The following CCDC83 variants were observed in gnomAD, a reference collection of about 807,000 sequenced individuals.
CCDC83 encodes the protein coiled-coil domain containing 83.
A neutral mutation model predicts 50.1 loss-of-function variants in CCDC83; 54 were observed. The ratio of observed to expected loss-of-function variants is 1.08; its 90% CI spans 0.87 to 1.35. The LOEUF is 1.35. Among genes scored for constraint, CCDC83 ranks in the 40% most tolerant of loss-of-function variants. The probability of loss-of-function intolerance (pLI) is 0.00; values close to 1 mark genes in which losing one functional copy is unlikely to be tolerated. For synonymous variants in CCDC83, 161 were observed against 153.3 expected, an observed-to-expected ratio of 1.05 and a Z score of -0.37; for missense variants, 518 against 473.9, an observed-to-expected ratio of 1.09 and a Z score of -0.86.
rs141642840 is a variant in CCDC83 at position 85,857,343 on chromosome 11, G to A, written c.-29+1759G>A. Among the ~76,000 whole-genome samples the A allele has an allele frequency of 7.7e-4, 117 of 152,344 alleles. 1 individual carries two copies. The highest frequency in any genetic ancestry group is 2.6e-3 in the African/African-American group (108 of 41,590). On this transcript the variant is annotated intron_variant, in intron 1 of 10. Transcript: ENST00000342404. ...CAGCTGCAACATCACCCAGGACCAT[G>A]AGGCAGCTGCCATTGCCAAGGCTGG...
intron 6 of CCDC83, among the ~76,000 whole-genome samples, chr11:85,897,731 T>C (rs769240498): frequency 2.0e-5 from 3 of 152,228 alleles, no homozygotes; most frequent in Non-Finnish European, 4.4e-5. Context: ...AAATTCTATG[T>C]TGGAGGAAAC....
At chr11:85,866,306 G>C (rs2093206345) in intron 2 of CCDC83, among the ~76,000 whole-genome samples, 1 of 152,166 alleles carries the variant, frequency 6.6e-6, no homozygotes, top group South Asian at 2.1e-4. Flanking sequence ...CAAGTGCTGG[G>C]TACTGGAATG....
intron 8 of CCDC83, among the ~76,000 whole-genome samples, chr11:85,913,615 T>G (rs1408052880): frequency 1.3e-5 from 2 of 152,244 alleles, no homozygotes; most frequent in Non-Finnish European, 2.9e-5. Context: ...AGAAGTTCTA[T>G]TTCCCTATTT....
chr11:85,871,055 T>A (rs1172465241), intron 2 of CCDC83, among the ~76,000 whole-genome samples: 1 of 152,018 alleles, frequency 6.6e-6, no homozygotes, highest in Non-Finnish European at 1.5e-5. Context: ...TAATCCCAGT[T>A]ACTGGGGAGG....
chr11:85,883,707 C>T (rs1298041176), intron 4 of CCDC83, among the ~76,000 whole-genome samples: 1 of 152,142 alleles, frequency 6.6e-6, no homozygotes, highest in Non-Finnish European at 1.5e-5. Context: ...GAGAAAGAGA[C>T]CTAAGTGCTA....
chr11:85,864,108 G>T (rs575886345), intron 1 of CCDC83, among the ~76,000 whole-genome samples: 2 of 152,130 alleles, frequency 1.3e-5, no homozygotes, highest in Admixed American at 1.3e-4. Context: ...TGCCTGATTC[G>T]TTCATGCATC....
chr11:85,908,905 C>T (rs1029897863), intron 7 of CCDC83, among the ~76,000 whole-genome samples: 2 of 151,994 alleles, frequency 1.3e-5, no homozygotes, highest in Non-Finnish European at 2.9e-5. Context: ...ACAGAGCAAG[C>T]CCTGTCTCAT....
chr11:85,912,530 A>G, intron 8 of CCDC83: 1 of 699,676 alleles, frequency 1.4e-6, no homozygotes, highest in Non-Finnish European at 2.6e-6. Flanking sequence ...AGGATTGATT[A>G]CTGAACTCCT....
At chr11:85,881,191 A>G (rs1425609627) in intron 3 of CCDC83, among the ~76,000 whole-genome samples, 4 of 152,072 alleles carry the variant, frequency 2.6e-5, no homozygotes. Flanking sequence ...CAACATGGTG[A>G]AATCCCGTCT....
intron 1 of CCDC83, among the ~76,000 whole-genome samples, chr11:85,857,154 T>TA (rs1279528399): frequency 6.6e-6 from 1 of 152,208 alleles, no homozygotes; most frequent in East Asian, 1.9e-4. Context: ...AAGCCCTGGA[T>TA]ATTGTGGAGA....
chr11:85,860,818 A>C (rs1368977845), intron 1 of CCDC83, among the ~76,000 whole-genome samples: 2 of 152,202 alleles, frequency 1.3e-5, no homozygotes, highest in Admixed American at 6.5e-5. Flanking sequence ...AAAGAACAAA[A>C]TCGTGTCCTT....
intron 1 of CCDC83, among the ~76,000 whole-genome samples, chr11:85,864,173 G>A (rs1008707573): frequency 6.6e-6 from 1 of 152,176 alleles, no homozygotes; most frequent in Admixed American, 6.5e-5. Context: ...GCTTAGTGAG[G>A]AAATACAGTG....
At chr11:85,895,759 G>A (rs2093371528) in intron 6 of CCDC83, among the ~76,000 whole-genome samples, 1 of 152,130 alleles carries the variant, frequency 6.6e-6, no homozygotes, top group African/African-American at 2.4e-5. Context: ...TAGTGTGAGG[G>A]TTAAATGAGA....
At chr11:85,855,949 T>C (rs924361882) in intron 1 of CCDC83, among the ~76,000 whole-genome samples, 6 of 152,150 alleles carry the variant, frequency 3.9e-5, no homozygotes, top group Admixed American at 2.0e-4. Context: ...ATGTGCTAAG[T>C]GTGTTATTGA....
Position 85,919,953 on chromosome 11 carries a change from T to C in CCDC83, c.*443T>C. 1 of 171,348 alleles carries C rather than the reference T, an allele frequency of 5.8e-6. No individual in the cohort carries two copies. Among genetic ancestry groups the C allele is most frequent in the Non-Finnish European group, 1.2e-5 (1 of 81,698 alleles). 10.6% of individuals were successfully genotyped at this position (171,348 alleles called of 1,614,324 possible). On this transcript the variant is annotated 3_prime_UTR_variant, in exon 11 of 11. Transcript: ENST00000342404. ...ATAATGCAAGCCAATTCTCCGTAGT[T>C]TAACCCTGTGTATTAGTCTGTTCTC...
intron 2 of CCDC83, among the ~76,000 whole-genome samples, chr11:85,866,702 A>T (rs1480718331): frequency 6.6e-6 from 1 of 152,024 alleles, no homozygotes. Context: ...GGCTATAATA[A>T]AGGTACTATA....
chr11:85,885,131 T>A (rs953218208), intron 4 of CCDC83, among the ~76,000 whole-genome samples: 1 of 152,058 alleles, frequency 6.6e-6, no homozygotes, highest in African/African-American at 2.4e-5. Context: ...GGAGAATCAC[T>A]TGAACCTGGG....
At chr11:85,901,294 C>T (rs752019389) in intron 7 of CCDC83, among the ~76,000 whole-genome samples, 6 of 151,936 alleles carry the variant, frequency 3.9e-5, no homozygotes, top group Non-Finnish European at 7.4e-5. Context: ...GGAAATAGAC[C>T]AGGCATGGTG....
chr11:85,865,811 C>T (rs1224462956), intron 2 of CCDC83, among the ~76,000 whole-genome samples: 1 of 151,794 alleles, frequency 6.6e-6, no homozygotes, highest in African/African-American at 2.4e-5. Flanking sequence ...TTGCTCAAAC[C>T]CAGGAGGCAG....
Sources: gnomAD v4.1 joint callset for allele counts (sites outside exome capture counted in the v4.1 genomes callset) on GRCh38, gnomAD v4.1.1 for gene constraint, MANE v1.5 for transcripts, NCBI Gene and HGNC (gene_info 2026-07-23, HGNC 2026-07-21) for gene names.